Variants in SNTG2 observed in about 807,000 individuals in gnomAD.
The protein encoded by SNTG2 is gamma-2-syntrophin.
SNTG2 carries 74 observed loss-of-function variants against 70.9 expected under a neutral mutation model. The ratio of observed to expected loss-of-function variants is 1.04; its 90% CI spans 0.86 to 1.27. The LOEUF (loss-of-function observed/expected upper bound fraction) is 1.27. Among genes scored for constraint, SNTG2 ranks in the 50% most tolerant of loss-of-function variants. SNTG2 has a pLI of 0.00. For missense variants in SNTG2, 717 were observed against 690.7 expected (o/e 1.04, Z -0.43); for synonymous variants, 278 against 273.8 (o/e 1.02, Z -0.15).
intron 16 of SNTG2, among the ~76,000 whole-genome samples, chr2:1,324,870 A>C (rs1220050042): frequency 6.6e-6 from 1 of 152,230 alleles, no homozygotes; most frequent in Non-Finnish European, 1.5e-5. Flanking sequence ...GAGGCTGGGA[A>C]GCCAAGCCAA....
intron 1 of SNTG2, among the ~76,000 whole-genome samples, chr2:991,283 T>C (rs1661481440): frequency 6.6e-6 from 1 of 151,996 alleles, no homozygotes; most frequent in Admixed American, 6.6e-5. Flanking sequence ...CAAAGAATGA[T>C]TCAATTTCCT....
At chr2:1,185,245 C>T (rs969955280) in intron 8 of SNTG2, among the ~76,000 whole-genome samples, 1 of 152,174 alleles carries the variant, frequency 6.6e-6, no homozygotes, top group Admixed American at 6.5e-5. Context: ...CTCAAAGGCT[C>T]AGCTCCTATT....
intron 4 of SNTG2, among the ~76,000 whole-genome samples, chr2:1,124,014 C>G (rs900448132): frequency 6.9e-6 from 1 of 144,756 alleles, no homozygotes; most frequent in Non-Finnish European, 1.5e-5. Context: ...AGGGCACAGA[C>G]TCTCAGTTGT....
At chr2:1,046,086 G>T (rs1210029352) in intron 1 of SNTG2, among the ~76,000 whole-genome samples, 1 of 152,182 alleles carries the variant, frequency 6.6e-6, no homozygotes. Flanking sequence ...AGGTGGTTAA[G>T]TCATCTTACT....
chr2:1,303,368 C>T (rs968094128), intron 14 of SNTG2, among the ~76,000 whole-genome samples: 3 of 151,792 alleles, frequency 2.0e-5, no homozygotes, highest in Admixed American at 6.6e-5. Context: ...CACTTAGATA[C>T]TGCACACTTA....
intron 13 of SNTG2, among the ~76,000 whole-genome samples, chr2:1,260,487 A>C (rs1678358397): frequency 6.6e-6 from 1 of 152,224 alleles, no homozygotes; most frequent in African/African-American, 2.4e-5. Flanking sequence ...ATTTAAATTA[A>C]GACTCCTAAT....
At chr2:1,186,442 A>G (rs1186409887) in intron 8 of SNTG2, among the ~76,000 whole-genome samples, 2 of 152,180 alleles carry the variant, frequency 1.3e-5, no homozygotes, top group Non-Finnish European at 2.9e-5. Flanking sequence ...AATTTTCTGT[A>G]TTAGTCTGTT....
chr2:1,122,907 CAAATAATAGCTG>C (rs911563610), intron 4 of SNTG2, among the ~76,000 whole-genome samples: 3 of 132,814 alleles, frequency 2.3e-5, no homozygotes, highest in African/African-American at 9.3e-5. Context: ...TTGTCATACA[CAAATAATAGCTG>C]AAAAAGAAAT....
chr2:971,725 T>G (rs888070747), intron 1 of SNTG2, among the ~76,000 whole-genome samples: 1 of 151,046 alleles, frequency 6.6e-6, no homozygotes, highest in African/African-American at 2.4e-5. Flanking sequence ...TTTTTTTTTT[T>G]CTCATTCCTT....
At position 1,165,631 on chromosome 2, in the gene SNTG2, G is replaced by A. The variant is rs748632360; in HGVS notation, c.495G>A (p.Pro165=). The A allele has an allele frequency of 3.4e-5, 54 of 1,611,856 alleles. No homozygotes were observed. Among genetic ancestry groups the A allele is most frequent in the Middle Eastern group, 1.6e-4 (1 of 6,080 alleles). The change falls in exon 7 of 17, where the codon CCG becomes CCA. Residue 165 remains proline (P), a synonymous_variant. Coordinates refer to ENST00000308624, the MANE Select transcript of SNTG2 (RefSeq NM_018968.4). ...AAGCGCCGGCATTTCTGAAGCTCCC[G>A]TTAGGTAAGTGGGAAGAGGAGAAAT... ...LREAPAFLKL[P]LGSPGPSSDH...
At position 1,233,124 on chromosome 2, in the gene SNTG2, C is replaced by A. The variant is rs180763079; in HGVS notation, c.720-4764C>A. Among the ~76,000 whole-genome samples the A allele has an allele frequency of 1.5e-3, 222 of 152,274 alleles. 1 individual carries two copies. The highest frequency in any genetic ancestry group is 2.9e-3 in the Non-Finnish European group (198 of 68,028). Reference sequence around the variant, plus strand: ...ATGTATTTATTCTTTAAAAACTGGACAGCTTATTAAAAAGGCGATTTACAC... The same window carrying A: ...ATGTATTTATTCTTTAAAAACTGGAAAGCTTATTAAAAAGGCGATTTACAC... On this transcript the variant is annotated intron_variant, in intron 9 of 16. Coordinates refer to ENST00000308624, the MANE Select transcript of SNTG2 (RefSeq NM_018968.4).
At chr2:1,122,779 A>G (rs1367040751) in intron 4 of SNTG2, among the ~76,000 whole-genome samples, 3 of 151,616 alleles carry the variant, frequency 2.0e-5, no homozygotes, top group South Asian at 2.1e-4. Context: ...AAAGTTATCT[A>G]TTTGCAGATG....
intron 4 of SNTG2, among the ~76,000 whole-genome samples, chr2:1,124,225 C>T (rs1667555638): frequency 6.6e-6 from 1 of 152,000 alleles, no homozygotes; most frequent in Non-Finnish European, 1.5e-5. Context: ...ATTATTTTTA[C>T]CCTGTAAGTT....
chr2:1,077,402 G>GT (rs1348866024), intron 1 of SNTG2, among the ~76,000 whole-genome samples: 2 of 151,982 alleles, frequency 1.3e-5, no homozygotes, highest in African/African-American at 4.8e-5. Flanking sequence ...TAGTGACTGT[G>GT]GTTTTTTCAT....
chr2:1,265,850 C>T (rs1678700236), intron 13 of SNTG2, among the ~76,000 whole-genome samples: 1 of 152,220 alleles, frequency 6.6e-6, no homozygotes, highest in Non-Finnish European at 1.5e-5. Context: ...TGTGGGTGAA[C>T]ACCACATTCT....
At chr2:985,183 G>C (rs1661263837) in intron 1 of SNTG2, among the ~76,000 whole-genome samples, 1 of 152,040 alleles carries the variant, frequency 6.6e-6, no homozygotes, top group Non-Finnish European at 1.5e-5. Flanking sequence ...AAAACAGCAC[G>C]GACTCCCCTC....
intron 4 of SNTG2, among the ~76,000 whole-genome samples, chr2:1,114,454 T>C (rs922866552): frequency 6.6e-6 from 1 of 151,990 alleles, no homozygotes; most frequent in Non-Finnish European, 1.5e-5. Flanking sequence ...TTAAGGAGGA[T>C]CTTTTGAACT....
At chr2:1,281,894 C>T (rs972560468) in intron 14 of SNTG2, among the ~76,000 whole-genome samples, 1 of 152,266 alleles carries the variant, frequency 6.6e-6, no homozygotes, top group South Asian at 2.1e-4. Context: ...CCACTGCACC[C>T]CCGTCCGTGT....
chr2:1,144,108 C>T (rs186722860), intron 6 of SNTG2, among the ~76,000 whole-genome samples: 6 of 152,194 alleles, frequency 3.9e-5, no homozygotes, highest in Middle Eastern at 3.4e-3. Context: ...AAACGGTTGA[C>T]ATCTCCTCTT....
Sources: gnomAD v4.1 joint callset for allele counts (sites outside exome capture counted in the v4.1 genomes callset) on GRCh38, gnomAD v4.1.1 for gene constraint, MANE v1.5 for transcripts, NCBI Gene and HGNC (gene_info 2026-07-23, HGNC 2026-07-21) for gene names.